MMP16: variants seen among roughly 807,000 people sequenced by gnomAD.
The protein encoded by MMP16 is matrix metalloproteinase-16.
MMP16 carries 12 observed loss-of-function variants against 67.8 expected under a neutral mutation model. The observed-to-expected ratio is 0.18, with a 90% CI of 0.11 to 0.29. The LOEUF (loss-of-function observed/expected upper bound fraction) is 0.29. Among genes scored for constraint, MMP16 ranks in the 10% least tolerant of loss-of-function variants. The pLI is 1.00. For missense variants in MMP16, 475 were observed against 765.7 expected (o/e 0.62, Z 4.48); for synonymous variants, 249 against 255.9 (o/e 0.97, Z 0.26).
rs1808087986 is a variant in MMP16, at chr8:88,038,633, T to G, written c.*2828A>C. 6.6e-6 allele frequency: 1 copy of G among 152,556 alleles called. No individual in the cohort carries two copies. The highest frequency in any genetic ancestry group is 1.5e-5 in the Non-Finnish European group (1 of 67,978). 9.5% of individuals were successfully genotyped at this position (152,556 alleles called of 1,614,324 possible). A position where few individuals can be genotyped will look rare whatever the true frequency, so the allele number is the denominator to read the frequency against. On this transcript the variant is annotated 3_prime_UTR_variant, in exon 10 of 10. Transcript: ENST00000286614. This position sits in a 1 kb window ranked among gnomAD's most constrained non-coding sequence, Gnocchi z 4.1. ...TTAGCAAAATATAGTTTCCAGTTAT[T>G]TTTTTCTTGACATCAAGGCCCTAAA...
rs1045497409 is a variant in MMP16 at position 88,237,677 on chromosome 8, ACAAC to A, written c.133-40375_133-40372del. The stretch of plus-strand genomic sequence containing the variant: ...AAACAGAACAACAACAACAACAACA[ACAAC>A]AAAAAACAACTGCATCTTGGGTATG... On this transcript the variant is annotated intron_variant, in intron 1 of 9. Coordinates refer to ENST00000286614, the MANE Select transcript of MMP16 (RefSeq NM_005941.5). Among the ~76,000 whole-genome samples, 27 of 9,408 alleles carry A rather than the reference ACAAC, an allele frequency of 2.9e-3. No individual in the cohort carries two copies. In the East Asian group the frequency reaches 0.039, roughly 14 times the overall value. 6.2% of individuals were successfully genotyped at this position (9,408 alleles called of 152,430 possible).
intron 1 of MMP16, among the ~76,000 whole-genome samples, chr8:88,217,748 TTAAAAA>T (rs1470048292): frequency 2.0e-5 from 3 of 151,838 alleles, no homozygotes; most frequent in Non-Finnish European, 4.4e-5. Context: ...TAATACAAAT[TTAAAAA>T]TAAAAATATG....
At chr8:88,086,759 T>C (rs1808840008) in intron 6 of MMP16, among the ~76,000 whole-genome samples, 1 of 151,954 alleles carries the variant, frequency 6.6e-6, no homozygotes, top group South Asian at 2.1e-4. Flanking sequence ...CCACCCAAGC[T>C]AAAGTTGTCT....
chr8:88,125,053 A>T (rs2118454367), intron 4 of MMP16, among the ~76,000 whole-genome samples: 1 of 152,026 alleles, frequency 6.6e-6, no homozygotes, highest in East Asian at 2.0e-4. Context: ...CAACCTGTGA[A>T]TTTTGTGGCT....
chr8:88,213,441 A>G (rs1809542357), intron 1 of MMP16, among the ~76,000 whole-genome samples: 1 of 152,196 alleles, frequency 6.6e-6, no homozygotes. Flanking sequence ...ATATTCATAT[A>G]TTATAACATT....
intron 8 of MMP16, among the ~76,000 whole-genome samples, chr8:88,049,424 C>G (rs1362449009): frequency 2.0e-5 from 3 of 152,136 alleles, no homozygotes; most frequent in African/African-American, 7.2e-5. Flanking sequence ...GATCTCTTCT[C>G]TCAGGTAAAT....
chr8:88,080,312 T>C (rs1563525801), intron 6 of MMP16, among the ~76,000 whole-genome samples: 1 of 152,186 alleles, frequency 6.6e-6, no homozygotes, highest in Non-Finnish European at 1.5e-5. Flanking sequence ...TTAACCCTAT[T>C]TATTAAGATG....
At chr8:88,152,409 C>G (rs1478425464) in intron 4 of MMP16, among the ~76,000 whole-genome samples, 2 of 108,308 alleles carry the variant, frequency 1.8e-5, no homozygotes, top group East Asian at 2.8e-4. Flanking sequence ...GAGACACAAC[C>G]AAAAAAGAGA....
At chr8:88,222,377 T>G (rs575248003) in intron 1 of MMP16, among the ~76,000 whole-genome samples, 1 of 152,046 alleles carries the variant, frequency 6.6e-6, no homozygotes, top group African/African-American at 2.4e-5. Context: ...AAAAAGAGCC[T>G]GCATTGCCAA....
At chr8:88,213,353 T>C (rs1809541193) in intron 1 of MMP16, among the ~76,000 whole-genome samples, 1 of 152,190 alleles carries the variant, frequency 6.6e-6, no homozygotes, top group Non-Finnish European at 1.5e-5. Context: ...AAAAATGCTT[T>C]ATAAAATTAA....
At chr8:88,125,273 T>C (rs1236207757) in intron 4 of MMP16, among the ~76,000 whole-genome samples, 1 of 151,876 alleles carries the variant, frequency 6.6e-6, no homozygotes, top group Non-Finnish European at 1.5e-5. Flanking sequence ...AACTTCACTT[T>C]TTAAATTATA....
At chr8:88,061,462 G>A (rs147189825) in intron 7 of MMP16, among the ~76,000 whole-genome samples, 1 of 151,866 alleles carries the variant, frequency 6.6e-6, no homozygotes, top group Non-Finnish European at 1.5e-5. Flanking sequence ...CAACTCAGTT[G>A]GTTGTCCCTT....
intron 6 of MMP16, 139 bp downstream of exon 6, chr8:88,116,368 T>C (rs2118428278): frequency 1.4e-6 from 1 of 732,736 alleles, no homozygotes; most frequent in Non-Finnish European, 2.2e-6. Context: ...TGTGCATTTA[T>C]TTTTTAAAAT....
At chr8:88,176,706 T>C (rs1808897236) in intron 3 of MMP16, among the ~76,000 whole-genome samples, 2 of 152,216 alleles carry the variant, frequency 1.3e-5, no homozygotes, top group Non-Finnish European at 2.9e-5. Flanking sequence ...TAAAGTCTAC[T>C]TTGGCATAAA....
chr8:88,147,892 A>G (rs1024380327), intron 4 of MMP16, among the ~76,000 whole-genome samples: 4 of 152,120 alleles, frequency 2.6e-5, no homozygotes, highest in Admixed American at 1.3e-4. Flanking sequence ...ATCAACAAGT[A>G]TACTTTGCAC....
At chr8:88,072,199 A>AAG (rs1360839132) in intron 7 of MMP16, among the ~76,000 whole-genome samples, 1 of 151,970 alleles carries the variant, frequency 6.6e-6, no homozygotes, top group South Asian at 2.1e-4. Flanking sequence ...AAGGGCTATA[A>AAG]AGAGAGAGAG....
At chr8:88,217,917 T>G (rs1179729337) in intron 1 of MMP16, among the ~76,000 whole-genome samples, 1 of 152,060 alleles carries the variant, frequency 6.6e-6, no homozygotes. Context: ...GTGAACTTGT[T>G]TCTCAATTTC....
intron 6 of MMP16, among the ~76,000 whole-genome samples, chr8:88,108,164 A>G (rs991177907): frequency 6.6e-6 from 1 of 151,260 alleles, no homozygotes; most frequent in Non-Finnish European, 1.5e-5. Context: ...AAACTGAAAA[A>G]CATTCCTGAA....
At chr8:88,247,783 C>A (rs1174634022) in intron 1 of MMP16, among the ~76,000 whole-genome samples, 1 of 152,056 alleles carries the variant, frequency 6.6e-6, no homozygotes, top group Non-Finnish European at 1.5e-5. Flanking sequence ...TTAATCATTT[C>A]ATCTTCATTC....
Sources: allele counts gnomAD v4.1 joint callset (sites outside exome capture counted in the v4.1 genomes callset), GRCh38; gene constraint gnomAD v4.1.1; non-coding constraint Gnocchi (gnomAD v3.1); transcripts MANE v1.5; gene names NCBI Gene and HGNC (gene_info 2026-07-23, HGNC 2026-07-21).